Variants in CACNA1I observed in about 807,000 individuals in gnomAD.
The protein encoded by CACNA1I is calcium voltage-gated channel subunit alpha1 I, also known as voltage-dependent T-type calcium channel subunit alpha-1I.
CACNA1I carries 74 observed loss-of-function variants against 201.6 expected under a neutral mutation model. The observed-to-expected ratio is 0.37, with a 90% CI of 0.30 to 0.45. The LOEUF (loss-of-function observed/expected upper bound fraction) is 0.45, where lower values mean the gene tolerates loss of function less well. CACNA1I is among the 20% of genes least tolerant of loss of function. The pLI, the probability that CACNA1I is intolerant of heterozygous loss-of-function variation, is 1.00. For missense variants in CACNA1I, 2,346 were observed against 3,138.1 expected, an observed-to-expected ratio of 0.75 and a Z score of 6.03; for synonymous variants, 1,431 against 1,345.2, an observed-to-expected ratio of 1.06 and a Z score of -1.40.
chr22:39,666,125 C>T lies in CACNA1I; in HGVS notation c.4104+119C>T. The T allele has an allele frequency of 7.7e-7, 1 of 1,290,910 alleles. No homozygotes were observed. The highest frequency in any genetic ancestry group is 2.5e-5 in the East Asian group (1 of 39,376). The allele number at this position is 1,290,910 out of a possible 1,614,324, so 80.0% of individuals were successfully genotyped here. ...AGGACTGACACTGACTTCTCCTCTC[C>T]AAGCCTCAGTTTCCTCTTCTGCAAA... On this transcript the variant is annotated intron_variant, in intron 23 of 36. Coordinates refer to ENST00000402142, the MANE Select transcript of CACNA1I (RefSeq NM_021096.4). This position sits in a 1 kb window ranked among gnomAD's most constrained non-coding sequence, Gnocchi z 4.1.
rs141359252 is a variant in CACNA1I, at chr22:39,658,280, C to T, written c.2121C>T (p.Phe707=). 1.7e-3 allele frequency: 2,672 copies of T among 1,613,928 alleles called. 9 individuals are homozygous for T. In the Middle Eastern group the frequency reaches 0.017, roughly 11 times the overall value. Residue 707 remains phenylalanine, a synonymous_variant, in exon 11 of 37, where the codon TTC becomes TTT. Coordinates refer to ENST00000402142, the MANE Select transcript of CACNA1I (RefSeq NM_021096.4). ...ACCTGCGTAACCCCTACAACATCTTCGACAGCATCATTGTCATCATCAGGT... is the reference window on the plus strand; with the variant it reads ...ACCTGCGTAACCCCTACAACATCTTTGACAGCATCATTGTCATCATCAGGT... ...FDYLRNPYNI[F]DSIIVIISIW...
chr22:39,582,587 G>A (rs1187490455), intron 1 of CACNA1I, among the ~76,000 whole-genome samples: 1 of 152,052 alleles, frequency 6.6e-6, no homozygotes, highest in Non-Finnish European at 1.5e-5. Context: ...GGGCCTTGGA[G>A]GGAGGGCACC....
chr22:39,607,441 T>A (rs1211943495), intron 3 of CACNA1I, among the ~76,000 whole-genome samples: 1 of 152,200 alleles, frequency 6.6e-6, no homozygotes, highest in Admixed American at 6.5e-5. Context: ...AAATCTGCAT[T>A]GTAACCAAAC....
At chr22:39,618,496 G>T (rs1369141826) in intron 3 of CACNA1I, among the ~76,000 whole-genome samples, 2 of 152,128 alleles carry the variant, frequency 1.3e-5, no homozygotes, top group Non-Finnish European at 1.5e-5. Flanking sequence ...CGCTCCAGCG[G>T]GTGGGGGATG....
rs961595021 is a variant in CACNA1I, at chr22:39,676,881, G to A, written c.4855-460G>A. On this transcript the variant is annotated intron_variant, in intron 29 of 36. Coordinates refer to ENST00000402142, the MANE Select transcript of CACNA1I (RefSeq NM_021096.4). The surrounding 1 kb of genome is among the most constrained non-coding windows in gnomAD (Gnocchi z 4.8). ...TCGTTCATCCATCCATTCAACCTTG[G>A]TAGCCACTCAAGGCGTGTAGCATAG... 2.0e-5 allele frequency among the ~76,000 whole-genome samples: 3 copies of A among 152,154 alleles called. No homozygotes were observed. The highest frequency in any genetic ancestry group is 2.9e-5 in the Non-Finnish European group (2 of 68,034).
At chr22:39,583,203 T>G (rs1464653409) in intron 1 of CACNA1I, among the ~76,000 whole-genome samples, 1 of 146,258 alleles carries the variant, frequency 6.8e-6, no homozygotes, top group Non-Finnish European at 1.5e-5. Context: ...CAACAATCCA[T>G]CCATCCATCC....
chr22:39,668,444 C>G, intron 24 of CACNA1I, 63 bp downstream of exon 24: 1 of 1,111,206 alleles, frequency 9.0e-7, no homozygotes, highest in South Asian at 1.3e-5. Context: ...CCTTGGGGCC[C>G]AGTGGTTTGA....
intron 3 of CACNA1I, among the ~76,000 whole-genome samples, chr22:39,607,098 A>C (rs1179590687): frequency 6.6e-6 from 1 of 152,150 alleles, no homozygotes; most frequent in Non-Finnish European, 1.5e-5. Flanking sequence ...CCAGGGGTGG[A>C]GGGTGAGGCT....
At chr22:39,625,196 G>A (rs541344253) in intron 4 of CACNA1I, among the ~76,000 whole-genome samples, 156 of 151,874 alleles carry the variant, frequency 1.0e-3, no homozygotes, top group African/African-American at 3.5e-3. Flanking sequence ...GTGAGCCACC[G>A]TGCCCAGCCG....
At chr22:39,618,138 T>A (rs550541809) in intron 3 of CACNA1I, among the ~76,000 whole-genome samples, 8 of 151,372 alleles carry the variant, frequency 5.3e-5, no homozygotes, top group Middle Eastern at 6.8e-3. Context: ...TATGTGGTTG[T>A]GTGTATGTGT....
At chr22:39,674,568 A>C (rs1290880304) in intron 29 of CACNA1I, among the ~76,000 whole-genome samples, 1 of 152,074 alleles carries the variant, frequency 6.6e-6, no homozygotes. Context: ...AAGTTGCTCT[A>C]CCCGCACCCT....
In CACNA1I at chr22:39,689,396, G is replaced by A. The variant is rs1935973254; in HGVS notation, c.*2991G>A. ...AGGGCCAACCCCAGCCCCGTTTGCT[G>A]CGTTGTGTAAGGGCTTGGGGTCTTA... On this transcript the variant is annotated 3_prime_UTR_variant, in exon 37 of 37. Transcript: ENST00000402142. 6.5e-6 allele frequency: 1 copy of A among 152,772 alleles called. No homozygotes were observed. Among genetic ancestry groups the A allele is most frequent in the South Asian group, 2.1e-4 (1 of 4,836 alleles). The allele number at this position is 152,772 out of a possible 1,614,324, so 9.5% of individuals were successfully genotyped here.
intron 7 of CACNA1I, among the ~76,000 whole-genome samples, chr22:39,643,195 A>C (rs1230819862): frequency 6.6e-6 from 1 of 152,202 alleles, no homozygotes; most frequent in Non-Finnish European, 1.5e-5. Context: ...CATTCTTTGC[A>C]TGACCTGAGT....
intron 4 of CACNA1I, among the ~76,000 whole-genome samples, chr22:39,630,983 G>A (rs1934047614): frequency 6.6e-6 from 1 of 152,196 alleles, no homozygotes; most frequent in African/African-American, 2.4e-5. Flanking sequence ...GGAGGATGGA[G>A]GGAGGTGGGG....
At position 39,659,505 on chromosome 22, in the gene CACNA1I, G is replaced by A. The variant is rs766771394; in HGVS notation, c.2403G>A (p.Arg801=). 1 of 1,595,338 alleles carries A rather than the reference G, an allele frequency of 6.3e-7. No homozygotes were observed. The highest frequency in any genetic ancestry group is 8.5e-7 in the Non-Finnish European group (1 of 1,170,164). ...ACACTGGAGACACGGTGCCCGACAG[G>A]AAGAACTTCGACTCCCTGCTGTGGG... ...RTDTGDTVPD[R]KNFDSLLWAI... is the part of the protein sequence containing the mutation. The change falls in exon 13 of 37, where the codon AGG becomes AGA. Residue 801 remains arginine, a synonymous_variant. Transcript: ENST00000402142. The surrounding 1 kb of genome is among the most constrained non-coding windows in gnomAD (Gnocchi z 4.3).
At position 39,676,183 on chromosome 22, in the gene CACNA1I, G is replaced by A. The variant is rs138617793; in HGVS notation, c.4855-1158G>A. ...ATCCTGGTTAAGAGATGCTGCCCCCGCCGGCCTGTGCAGGGCACAAAGCTG... is the reference window on the plus strand; with the variant it reads ...ATCCTGGTTAAGAGATGCTGCCCCCACCGGCCTGTGCAGGGCACAAAGCTG... On this transcript the variant is annotated intron_variant, in intron 29 of 36. Coordinates refer to ENST00000402142, the MANE Select transcript of CACNA1I (RefSeq NM_021096.4). This position sits in a 1 kb window ranked among gnomAD's most constrained non-coding sequence, Gnocchi z 4.8. 2.4e-4 allele frequency among the ~76,000 whole-genome samples: 37 copies of A among 152,330 alleles called. No homozygotes were observed. The highest frequency in any genetic ancestry group is 7.7e-4 in the African/African-American group (32 of 41,568).
intron 4 of CACNA1I, among the ~76,000 whole-genome samples, chr22:39,628,484 G>A (rs1270902510): frequency 6.6e-6 from 1 of 151,972 alleles, no homozygotes; most frequent in Admixed American, 6.6e-5. Context: ...GCCCCCGAGG[G>A]TGTGAGCGCA....
chr22:39,582,887 T>C (rs1463839347), intron 1 of CACNA1I, among the ~76,000 whole-genome samples: 3 of 148,722 alleles, frequency 2.0e-5, no homozygotes, highest in African/African-American at 7.4e-5. Context: ...CATCCATCCA[T>C]CCATTAATCT....
Position 39,646,554 on chromosome 22 carries a change from T to C in CACNA1I, c.1150-15T>C, listed in dbSNP as rs949333384. ...CCCTGTCCCTGTCCCTGTCCTCTCCTCCCGTTGGTCACAGGTGGGCTCCTT... is the reference window on the plus strand; with the variant it reads ...CCCTGTCCCTGTCCCTGTCCTCTCCCCCCGTTGGTCACAGGTGGGCTCCTT... On this transcript the variant is annotated splice_polypyrimidine_tract_variant and intron_variant, in intron 7 of 36. Coordinates refer to ENST00000402142, the MANE Select transcript of CACNA1I (RefSeq NM_021096.4). The C allele has an allele frequency of 5.2e-6, 8 of 1,528,390 alleles. No individual in the cohort carries two copies. In the Admixed American group the frequency reaches 6.0e-5, roughly 11 times the overall value. The allele number at this position is 1,528,390 out of a possible 1,614,324, so 94.7% of individuals were successfully genotyped here.
Sources: gnomAD v4.1 joint callset for allele counts (sites outside exome capture counted in the v4.1 genomes callset) on GRCh38, gnomAD v4.1.1 for gene constraint, Gnocchi (gnomAD v3.1) non-coding constraint, MANE v1.5 for transcripts, NCBI Gene and HGNC (gene_info 2026-07-23, HGNC 2026-07-21) for gene names.